Variants in SORBS2 observed in about 807,000 individuals in gnomAD.
SORBS2 encodes sorbin and SH3 domain containing 2.
A neutral mutation model predicts 97.7 loss-of-function variants in SORBS2; 46 were observed. The observed-to-expected ratio is 0.47, with a 90% confidence interval of 0.37 to 0.60. The LOEUF (loss-of-function observed/expected upper bound fraction) is 0.60. Ranked by LOEUF, SORBS2 falls within the 20% of genes least tolerant of loss-of-function variation. The pLI, the probability that SORBS2 is intolerant of heterozygous loss-of-function variation, is 0.00. For synonymous variants in SORBS2, 476 were observed against 473.4 expected, an observed-to-expected ratio of 1.01 and a Z score of -0.07; for missense variants, 1,316 against 1,282.3, an observed-to-expected ratio of 1.03 and a Z score of -0.40.
chr4:185,901,148 G>A (rs115034382), intron 1 of SORBS2, among the ~76,000 whole-genome samples: 1,553 of 152,210 alleles, frequency 0.01, 30 homozygotes, highest in African/African-American at 0.035. Flanking sequence ...ATACTGTGTA[G>A]ACTATGTTTC....
intron 1 of SORBS2, among the ~76,000 whole-genome samples, chr4:185,953,496 T>A (rs141241562): frequency 3.9e-4 from 60 of 152,272 alleles, no homozygotes; most frequent in Non-Finnish European, 7.5e-4. Flanking sequence ...GACACCAAGG[T>A]GGGACCCTGT....
intron 2 of SORBS2, among the ~76,000 whole-genome samples, chr4:185,702,037 A>G (rs914192073): frequency 2.0e-5 from 3 of 152,114 alleles, no homozygotes; most frequent in Admixed American, 6.6e-5. Context: ...CCAAAGTGCT[A>G]GGATTACAGG....
chr4:185,882,633 C>T (rs2099237446), intron 1 of SORBS2, among the ~76,000 whole-genome samples: 1 of 152,068 alleles, frequency 6.6e-6, no homozygotes, highest in Non-Finnish European at 1.5e-5. Context: ...ATTGTCCAAA[C>T]AAATTCTTAA....
chr4:185,863,619 T>C (rs1330409139), intron 1 of SORBS2, among the ~76,000 whole-genome samples: 1 of 152,346 alleles, frequency 6.6e-6, no homozygotes, highest in Non-Finnish European at 1.5e-5. Flanking sequence ...AATTCATTTA[T>C]CATCCTTCTT....
rs148104926 is a variant in SORBS2 at position 185,700,807 on chromosome 4, C to T, written c.-197-21985G>A. On this transcript the variant is annotated intron_variant, in intron 2 of 20. Transcript: ENST00000284776. Reference sequence around the variant, plus strand: ...CAAAATGCCAACTCAGATGACCTCACTTCTAGTTCTTACCCCCCACATATG... The same window carrying T: ...CAAAATGCCAACTCAGATGACCTCATTTCTAGTTCTTACCCCCCACATATG... Among the ~76,000 whole-genome samples the T allele has an allele frequency of 2.0e-3, 309 of 152,308 alleles. 1 individual carries two copies. The highest frequency in any genetic ancestry group is 7.0e-3 in the African/African-American group (293 of 41,568).
At chr4:185,846,061 G>T (rs1009634349) in intron 1 of SORBS2, among the ~76,000 whole-genome samples, 3 of 152,180 alleles carry the variant, frequency 2.0e-5, no homozygotes, top group Non-Finnish European at 2.9e-5. Flanking sequence ...TTATCCAAGA[G>T]AAATGAAAAC....
At chr4:185,638,878 C>A (rs1182065386) in intron 4 of SORBS2, 3 of 1,464,814 alleles carry the variant, frequency 2.0e-6, no homozygotes, top group South Asian at 1.4e-5. Context: ...GGAGCTCACC[C>A]GGGTGGGAGA....
chr4:185,801,166 C>T (rs1036216935), intron 1 of SORBS2, among the ~76,000 whole-genome samples: 4 of 152,196 alleles, frequency 2.6e-5, no homozygotes, highest in Non-Finnish European at 5.9e-5. Context: ...GTTTCACTTA[C>T]CATAATGTCC....
chr4:185,716,629 T>A (rs1174251618), intron 2 of SORBS2, among the ~76,000 whole-genome samples: 8 of 152,220 alleles, frequency 5.3e-5, no homozygotes. Flanking sequence ...TAAATCTTGG[T>A]TTGAAGGATG....
chr4:185,849,344 T>C (rs2099216455), intron 1 of SORBS2, among the ~76,000 whole-genome samples: 1 of 152,192 alleles, frequency 6.6e-6, no homozygotes, highest in Non-Finnish European at 1.5e-5. Context: ...CCATTGTATT[T>C]TGAAGTAGGA....
chr4:185,760,494 C>T (rs6552920), intron 2 of SORBS2, among the ~76,000 whole-genome samples: 48,088 of 152,020 alleles, frequency 0.32, 8,010 homozygotes, highest in African/African-American at 0.4. Context: ...ACCTGGGAGG[C>T]GGAGATTGCA....
chr4:185,606,079 AT>A lies in SORBS2; in HGVS notation c.2796+5700del. ...TTTTTCTTTTCTGTTGTCTTTGTTT[AT>A]TATTAGCATTATTATTTTTGCAAAG... On this transcript the variant is annotated intron_variant, in intron 12 of 14. Transcript: ENST00000418609. The surrounding 1 kb of genome is among the most constrained non-coding windows in gnomAD (Gnocchi z 4.3). The A allele has an allele frequency of 1.0e-6, 1 of 985,164 alleles. No homozygotes were observed. The highest frequency in any genetic ancestry group is 1.2e-6 in the Non-Finnish European group (1 of 829,694). 61.0% of individuals were successfully genotyped at this position (985,164 alleles called of 1,614,324 possible). A position where few individuals can be genotyped will look rare whatever the true frequency, so the allele number is the denominator to read the frequency against.
chr4:185,903,712 C>A (rs778801007), intron 1 of SORBS2, among the ~76,000 whole-genome samples: 1 of 152,112 alleles, frequency 6.6e-6, no homozygotes, highest in Non-Finnish European at 1.5e-5. Context: ...GATGGAATGG[C>A]CTATGTGGGT....
intron 2 of SORBS2, among the ~76,000 whole-genome samples, chr4:185,679,686 G>A (rs181178585): frequency 1.3e-5 from 2 of 152,256 alleles, no homozygotes; most frequent in Non-Finnish European, 2.9e-5. Context: ...CTAGGGGTTG[G>A]ATCATTAGCC....
intron 1 of SORBS2, among the ~76,000 whole-genome samples, chr4:185,932,002 C>CTATA (rs747703284): frequency 2.0e-4 from 30 of 148,572 alleles, no homozygotes; most frequent in African/African-American, 6.9e-4. Context: ...CTCTCTCTCT[C>CTATA]TATATATATA....
At chr4:185,636,078 C>T (rs1302399064) in intron 4 of SORBS2, among the ~76,000 whole-genome samples, 3 of 152,136 alleles carry the variant, frequency 2.0e-5, no homozygotes, top group East Asian at 1.9e-4. Context: ...AGGCTGGTCT[C>T]GAACCCCTGA....
chr4:185,736,020 G>T (rs2098684278), intron 2 of SORBS2, among the ~76,000 whole-genome samples: 1 of 152,210 alleles, frequency 6.6e-6, no homozygotes, highest in African/African-American at 2.4e-5. Flanking sequence ...ATTTGTGGAT[G>T]GAGAAGCAGA....
chr4:185,634,646 ACT>A (rs1279013627), intron 4 of SORBS2, among the ~76,000 whole-genome samples: 6 of 151,918 alleles, frequency 3.9e-5, no homozygotes, highest in Non-Finnish European at 8.8e-5. Context: ...TTCAAATAAA[ACT>A]CTGATTCAAA....
chr4:185,883,482 G>T (rs2099237855), intron 1 of SORBS2, among the ~76,000 whole-genome samples: 1 of 152,176 alleles, frequency 6.6e-6, no homozygotes, highest in African/African-American at 2.4e-5. Context: ...GTTCCTTATG[G>T]TGTTAAACAC....
Sources: gnomAD v4.1 joint callset for allele counts (sites outside exome capture counted in the v4.1 genomes callset) on GRCh38, gnomAD v4.1.1 for gene constraint, Gnocchi (gnomAD v3.1) non-coding constraint, MANE v1.5 for transcripts, NCBI Gene and HGNC (gene_info 2026-07-23, HGNC 2026-07-21) for gene names.